PCDH9: variants seen among roughly 807,000 people sequenced by gnomAD.
PCDH9 encodes protocadherin 9.
A neutral mutation model predicts 70.6 loss-of-function variants in PCDH9; 24 were observed. The observed-to-expected ratio is 0.34, with a 90% CI of 0.25 to 0.48. The LOEUF (loss-of-function observed/expected upper bound fraction) is 0.48, where lower values mean the gene tolerates loss of function less well. Ranked by LOEUF, PCDH9 falls within the 20% of genes least tolerant of loss-of-function variation. The pLI is 0.99. For synonymous variants in PCDH9, 562 were observed against 558.5 expected, an observed-to-expected ratio of 1.01 and a Z score of -0.09; for missense variants, 1,281 against 1,503.6, an observed-to-expected ratio of 0.85 and a Z score of 2.45.
At chr13:66,851,971 C>A (rs971600093) in intron 3 of PCDH9, among the ~76,000 whole-genome samples, 2 of 151,942 alleles carry the variant, frequency 1.3e-5, no homozygotes, top group Admixed American at 1.3e-4. Context: ...CTTCATATGG[C>A]CTTTCCTCTG....
rs764056879 is a variant in PCDH9, at chr13:66,444,490, CT to C, written c.3341-139463del. 1.2e-3 allele frequency among the ~76,000 whole-genome samples: 172 copies of C among 149,522 alleles called. 1 individual carries two copies. The highest frequency in any genetic ancestry group is 3.5e-3 in the Middle Eastern group (1 of 284). ...ATTATTTTGCTTTCTCCTAATAAGACTTTTTTTTTTCCTGCAAAGAGCATTA... is the reference window on the plus strand; with the variant it reads ...ATTATTTTGCTTTCTCCTAATAAGACTTTTTTTTTCCTGCAAAGAGCATTA... On this transcript the variant is annotated intron_variant, in intron 4 of 4. Coordinates refer to ENST00000377865, the MANE Select transcript of PCDH9 (RefSeq NM_203487.3).
intron 3 of PCDH9, among the ~76,000 whole-genome samples, chr13:66,649,412 G>T (rs1404867657): frequency 9.9e-5 from 15 of 151,792 alleles, no homozygotes. Context: ...TGACATATTT[G>T]AAGTGCAAAA....
intron 3 of PCDH9, among the ~76,000 whole-genome samples, chr13:66,878,646 T>A (rs753592273): frequency 8.5e-5 from 13 of 152,204 alleles, no homozygotes; most frequent in Non-Finnish European, 1.3e-4. Context: ...AACTAAGTTG[T>A]AGCATCTTTG....
chr13:67,125,358 C>A (rs1389430122), intron 2 of PCDH9, among the ~76,000 whole-genome samples: 1 of 152,070 alleles, frequency 6.6e-6, no homozygotes. Flanking sequence ...GAACAAATCC[C>A]CCAGATCCAC....
intron 2 of PCDH9, among the ~76,000 whole-genome samples, chr13:67,171,259 A>G (rs2088277367): frequency 6.6e-6 from 1 of 152,204 alleles, no homozygotes; most frequent in Non-Finnish European, 1.5e-5. Flanking sequence ...AAAATAGGGT[A>G]TCTACAGTAA....
chr13:67,015,817 T>C (rs1219455088), intron 2 of PCDH9, among the ~76,000 whole-genome samples: 3 of 152,160 alleles, frequency 2.0e-5, no homozygotes, highest in African/African-American at 7.2e-5. Flanking sequence ...TCATCTATGT[T>C]CCTATGGCTC....
intron 2 of PCDH9, among the ~76,000 whole-genome samples, chr13:66,937,827 T>G (rs928179148): frequency 9.2e-5 from 14 of 152,146 alleles, no homozygotes; most frequent in African/African-American, 3.4e-4. Flanking sequence ...TACCTTTTTT[T>G]TTTTTGTCTA....
chr13:67,224,190 C>T (rs1010111712), intron 2 of PCDH9: 3 of 152,172 alleles, frequency 2.0e-5, no homozygotes, highest in Non-Finnish European at 2.9e-5. Flanking sequence ...TGGGCCATCA[C>T]CATAGGTGAA....
At chr13:66,318,651 T>G (rs2138082219) in intron 4 of PCDH9, among the ~76,000 whole-genome samples, 1 of 152,302 alleles carries the variant, frequency 6.6e-6, no homozygotes, top group African/African-American at 2.4e-5. Context: ...AGGGAGAAAT[T>G]GCCATGAAAT....
At chr13:66,655,828 A>T (rs960848711) in intron 3 of PCDH9, among the ~76,000 whole-genome samples, 1 of 152,222 alleles carries the variant, frequency 6.6e-6, no homozygotes, top group Non-Finnish European at 1.5e-5. Flanking sequence ...TATTACAGTG[A>T]TTAATCAGAC....
intron 2 of PCDH9, among the ~76,000 whole-genome samples, chr13:67,078,166 C>G (rs777745838): frequency 1.6e-4 from 24 of 152,234 alleles, no homozygotes; most frequent in Non-Finnish European, 2.8e-4. Context: ...CAGTGGCCAC[C>G]CATCAATACT....
chr13:66,562,180 G>C (rs1196423376), intron 4 of PCDH9, among the ~76,000 whole-genome samples: 1 of 151,820 alleles, frequency 6.6e-6, no homozygotes, highest in Non-Finnish European at 1.5e-5. Context: ...TACTAGTTAA[G>C]CATAAAATAT....
At chr13:66,979,858 T>C (rs567274352) in intron 2 of PCDH9, among the ~76,000 whole-genome samples, 6 of 152,192 alleles carry the variant, frequency 3.9e-5, no homozygotes, top group African/African-American at 1.4e-4. Context: ...CTATCCCTCT[T>C]TTTTCTCTTT....
chr13:66,476,308 T>C (rs1958727336), intron 4 of PCDH9, among the ~76,000 whole-genome samples: 1 of 39,172 alleles, frequency 2.6e-5, no homozygotes, highest in African/African-American at 9.5e-5. Flanking sequence ...AAAATTACAT[T>C]TTAAAAAAAT....
At position 67,148,331 on chromosome 13, in the gene PCDH9, C is replaced by G. The variant is rs370939326; in HGVS notation, c.3036+77074G>C. Among the ~76,000 whole-genome samples, 3 of 151,630 alleles carry G rather than the reference C, an allele frequency of 2.0e-5. No homozygotes were observed. The East Asian group carries it at 5.8e-4, about 29-fold the overall frequency. Reference sequence around the variant, plus strand: ...CATTTCTTTGTGTGAAGCAGCTTTCCCCAGACAGTTAGGGACCAATTATAG... The same window carrying G: ...CATTTCTTTGTGTGAAGCAGCTTTCGCCAGACAGTTAGGGACCAATTATAG... On this transcript the variant is annotated intron_variant, in intron 2 of 4. Transcript: ENST00000377865.
At chr13:66,890,229 T>C (rs1458402444) in intron 3 of PCDH9, among the ~76,000 whole-genome samples, 3 of 152,160 alleles carry the variant, frequency 2.0e-5, no homozygotes, top group African/African-American at 7.2e-5. Context: ...TCTACTGCTC[T>C]TGTTCTCTGA....
intron 4 of PCDH9, among the ~76,000 whole-genome samples, chr13:66,518,004 A>G (rs1222172046): frequency 1.3e-5 from 2 of 152,066 alleles, no homozygotes; most frequent in Admixed American, 1.3e-4. Flanking sequence ...CTATAAAGAA[A>G]TACCTGAGAT....
intron 4 of PCDH9, among the ~76,000 whole-genome samples, chr13:66,566,735 AGGGCCCG>A (rs2076657494): frequency 1.3e-5 from 2 of 151,910 alleles, no homozygotes; most frequent in East Asian, 3.9e-4. Flanking sequence ...TTAGAAACCA[AGGGCCCG>A]TCTTGATGGT....
At chr13:66,936,956 G>A (rs529652898) in intron 2 of PCDH9, among the ~76,000 whole-genome samples, 8 of 152,186 alleles carry the variant, frequency 5.3e-5, no homozygotes, top group East Asian at 1.9e-4. Context: ...ATAAAACTGC[G>A]TGGCGCATAA....
Sources: gnomAD v4.1 joint callset for allele counts (sites outside exome capture counted in the v4.1 genomes callset) on GRCh38, gnomAD v4.1.1 for gene constraint, MANE v1.5 for transcripts, NCBI Gene and HGNC (gene_info 2026-07-23, HGNC 2026-07-21) for gene names.